The following PCNX2 variants were observed in gnomAD, a reference collection of about 807,000 sequenced individuals.
PCNX2 encodes pecanex-like protein 2.
PCNX2 carries 168 observed loss-of-function variants against 223.8 expected under a neutral mutation model. The ratio of observed to expected loss-of-function variants is 0.75; its 90% confidence interval spans 0.66 to 0.85. The LOEUF (loss-of-function observed/expected upper bound fraction) is 0.85, where lower values mean the gene tolerates loss of function less well. Ranked by LOEUF, PCNX2 falls within the 40% of genes least tolerant of loss-of-function variation. The probability of loss-of-function intolerance (pLI) is 0.00; values close to 1 mark genes in which losing one functional copy is unlikely to be tolerated. For missense variants in PCNX2, 2,507 were observed against 2,675.5 expected, an observed-to-expected ratio of 0.94 and a Z score of 1.39; for synonymous variants, 1,006 against 1,052.6, an observed-to-expected ratio of 0.96 and a Z score of 0.86.
intron 1 of PCNX2, among the ~76,000 whole-genome samples, chr1:233,292,500 C>G (rs943783431): frequency 1.3e-5 from 2 of 152,144 alleles, no homozygotes; most frequent in African/African-American, 4.8e-5. Context: ...TGAGCCACCA[C>G]ACCCAACCAA....
chr1:233,163,939 T>G (rs1169142815), intron 17 of PCNX2, among the ~76,000 whole-genome samples: 4 of 152,208 alleles, frequency 2.6e-5, no homozygotes, highest in Admixed American at 6.5e-5. Flanking sequence ...TCTGTTCACC[T>G]GTGGGTAGAT....
chr1:233,244,036 G>C (rs1411757124), intron 8 of PCNX2, among the ~76,000 whole-genome samples: 1 of 152,084 alleles, frequency 6.6e-6, no homozygotes, highest in Non-Finnish European at 1.5e-5. Context: ...TCACTATGTT[G>C]ATCAGGCTGG....
At chr1:233,084,264 G>A (rs1229334385) in intron 23 of PCNX2, among the ~76,000 whole-genome samples, 2 of 152,210 alleles carry the variant, frequency 1.3e-5, no homozygotes, top group Non-Finnish European at 2.9e-5. Flanking sequence ...AGTAAGAGAT[G>A]AGGATTAAGT....
chr1:233,217,062 G>A (rs2102926318), intron 12 of PCNX2, among the ~76,000 whole-genome samples: 1 of 152,258 alleles, frequency 6.6e-6, no homozygotes, highest in African/African-American at 2.4e-5. Flanking sequence ...GAGGCAGTGG[G>A]ATGGGGAATG....
chr1:233,133,363 T>G lies in PCNX2; in HGVS notation c.3837+1650A>C, dbSNP rs1401730429. ...AAAATAGCTTATGGAAGCCTGTGAT[T>G]TGAACAGTAGAAAAATGGGATAAGT... is the stretch of plus-strand genomic sequence containing the variant. On this transcript the variant is annotated intron_variant, in intron 21 of 33. Transcript: ENST00000258229. Among the ~76,000 whole-genome samples the G allele has an allele frequency of 2.0e-5, 3 of 152,304 alleles. No individual in the cohort carries two copies. In the East Asian group the frequency reaches 5.8e-4, roughly 29 times the overall value.
intron 32 of PCNX2, among the ~76,000 whole-genome samples, chr1:232,992,653 T>C (rs1259572929): frequency 1.3e-5 from 2 of 152,204 alleles, no homozygotes; most frequent in Non-Finnish European, 2.9e-5. Context: ...ACTGCCTGGC[T>C]GGGTGACACT....
At chr1:233,156,418 C>T (rs72765734) in intron 19 of PCNX2, among the ~76,000 whole-genome samples, 2,772 of 152,206 alleles carry the variant, frequency 0.018, 31 homozygotes, top group Non-Finnish European at 0.028. Flanking sequence ...TTACATTAAA[C>T]GCAGTTCAGC....
chr1:233,025,181 C>G lies in PCNX2; in HGVS notation c.4570G>C (p.Asp1524His). The part of the protein sequence containing the change: ...NNAATMLQVF[D>H]LRRILIRYYI... ...TAGCGGATGAGGATCCTTCGGAGGT[C>G]AAACACCTGCAGCATGGTGGCCGCG... Residue 1524 changes from aspartate (D) to histidine (H), a missense_variant, in exon 26 of 34, where the codon GAC becomes CAC. This residue lies in a region of PCNX2 where 1,372 missense variants were observed against 1,509.4 expected (regional missense o/e 0.91). Coordinates refer to ENST00000258229, the MANE Select transcript of PCNX2 (RefSeq NM_014801.4). 6.2e-7 allele frequency: 1 copy of G among 1,614,010 alleles called. No individual in the cohort carries two copies. Among genetic ancestry groups the G allele is most frequent in the Non-Finnish European group, 8.5e-7 (1 of 1,179,892 alleles).
chr1:233,033,073 C>CGGGAA, intron 25 of PCNX2: 3 of 985,438 alleles, frequency 3.0e-6, no homozygotes, highest in Non-Finnish European at 3.6e-6. Context: ...CCCGCCCACA[C>CGGGAA]AGTGTGACCT....
At position 233,139,890 on chromosome 1, in the gene PCNX2, C is replaced by A. The variant is rs1368437274; in HGVS notation, c.3518-35G>T. ...ATATAAAAACCACTTAGAACAACCA[C>A]CGATCAAAGTATTTTTCTTTAAGTA... On this transcript the variant is annotated intron_variant, in intron 19 of 33. Coordinates refer to ENST00000258229, the MANE Select transcript of PCNX2 (RefSeq NM_014801.4). This position sits in a 1 kb window ranked among gnomAD's most constrained non-coding sequence, Gnocchi z 4.4. The A allele has an allele frequency of 1.3e-6, 2 of 1,597,008 alleles. No homozygotes were observed. Among genetic ancestry groups the A allele is most frequent in the South Asian group, 1.1e-5 (1 of 88,666 alleles).
At chr1:233,299,608 G>C (rs1465643908), upstream of PCNX2, among the ~76,000 whole-genome samples, 2 of 152,196 alleles carry the variant, frequency 1.3e-5, no homozygotes, top group Non-Finnish European at 2.9e-5. Flanking sequence ...ATCCATGGCA[G>C]GGCAGTCTGG....
the PCNX2 span, among the ~76,000 whole-genome samples, chr1:233,324,988 C>T: frequency 6.6e-6 from 1 of 152,172 alleles, no homozygotes. Context: ...ATCTGGTCAC[C>T]CAAGAGCTCT....
chr1:233,010,624 T>A (rs1462599204), intron 28 of PCNX2, among the ~76,000 whole-genome samples: 1 of 152,244 alleles, frequency 6.6e-6, no homozygotes, highest in Non-Finnish European at 1.5e-5. Context: ...CATCCCATTA[T>A]ATCTAGATGG....
chr1:232,999,656 G>A (rs1000331200), intron 30 of PCNX2: 2 of 350,474 alleles, frequency 5.7e-6, no homozygotes, highest in African/African-American at 4.3e-5. Flanking sequence ...GTTTCTCCGT[G>A]TTGGTCAGGC....
intron 1 of PCNX2, among the ~76,000 whole-genome samples, chr1:233,286,166 AAAG>A (rs1661434318): frequency 6.6e-6 from 1 of 152,222 alleles, no homozygotes; most frequent in African/African-American, 2.4e-5. Flanking sequence ...AGATTTTTGG[AAAG>A]GCCTGCTGGT....
chr1:233,160,719 G>A (rs1678418286), intron 18 of PCNX2, among the ~76,000 whole-genome samples: 1 of 152,114 alleles, frequency 6.6e-6, no homozygotes, highest in Non-Finnish European at 1.5e-5. Context: ...AGGAGGTGAA[G>A]AATAACCCAT....
chr1:233,232,687 C>A (rs1658139179), intron 9 of PCNX2: 3 of 503,300 alleles, frequency 6.0e-6, no homozygotes, highest in Non-Finnish European at 7.7e-6. Context: ...TTAGTAAATG[C>A]CAATATTCTT....
intron 23 of PCNX2, among the ~76,000 whole-genome samples, chr1:233,069,988 A>G (rs1038676836): frequency 2.0e-5 from 3 of 152,162 alleles, no homozygotes; most frequent in Admixed American, 1.3e-4. Context: ...CCAGACTGAC[A>G]AAGAAAAGGG....
intron 25 of PCNX2, among the ~76,000 whole-genome samples, chr1:233,046,858 A>T (rs1671841641): frequency 6.6e-6 from 1 of 152,236 alleles, no homozygotes; most frequent in South Asian, 2.1e-4. Flanking sequence ...TGTGCAAATG[A>T]GGCAGAACCA....
Sources: allele counts gnomAD v4.1 joint callset (sites outside exome capture counted in the v4.1 genomes callset), GRCh38; gene constraint gnomAD v4.1.1; regional missense constraint gnomAD v4.1.1; non-coding constraint Gnocchi (gnomAD v3.1); transcripts MANE v1.5; gene names NCBI Gene and HGNC (gene_info 2026-07-23, HGNC 2026-07-21).